The following OR10H1 variants were observed in gnomAD, a reference collection of about 807,000 sequenced individuals.
The protein encoded by OR10H1 is olfactory receptor family 10 subfamily H member 1.
A neutral mutation model predicts 13.1 loss-of-function variants in OR10H1; 12 were observed. That is an observed-to-expected ratio of 0.92 (90% CI 0.59 to 1.48). The LOEUF (loss-of-function observed/expected upper bound fraction) is 1.48, where lower values mean the gene tolerates loss of function less well. OR10H1 is among the 40% of genes most tolerant of loss of function. OR10H1 has a pLI of 0.00. For missense variants in OR10H1, 363 were observed against 413.1 expected, an observed-to-expected ratio of 0.88 and a Z score of 1.05; for synonymous variants, 168 against 175.6, an observed-to-expected ratio of 0.96 and a Z score of 0.34.
At position 15,807,333 on chromosome 19, in the gene OR10H1, C is replaced by T. The variant is rs551865251; in HGVS notation, c.705G>A (p.Arg235=). The change falls in exon 4 of 4, where the codon CGG becomes CGA. Residue 235 remains arginine (R), a synonymous_variant. Coordinates refer to ENST00000641419, the MANE Select transcript of OR10H1 (RefSeq NM_013940.4). The part of the protein sequence containing the change: ...AILKIPSAEG[R]NKAFSTCASH... ...AGGCACAGGTGGAGAAGGCCTTGTT[C>T]CGACCTTCAGCAGAAGGGATCTTCA... 49 of 1,613,902 alleles carry T rather than the reference C, an allele frequency of 3.0e-5. 1 individual carries two copies. In the South Asian group the frequency reaches 4.6e-4, roughly 15 times the overall value.
At chr19:15,814,633 C>T (rs1479473514) in intron 1 of OR10H1, among the ~76,000 whole-genome samples, 2 of 140,764 alleles carry the variant, frequency 1.4e-5, no homozygotes, top group Non-Finnish European at 3.2e-5. Context: ...CCACCTCAAT[C>T]TCTGGAGTAG....
At chr19:15,815,151 C>T (rs1051867969) in intron 1 of OR10H1, among the ~76,000 whole-genome samples, 2 of 152,076 alleles carry the variant, frequency 1.3e-5, no homozygotes, top group Non-Finnish European at 2.9e-5. Flanking sequence ...CCAGCCTGTC[C>T]AGCATGGTGA....
At chr19:15,808,371 CTA>C in intron 3 of OR10H1, among the ~76,000 whole-genome samples, 1 of 152,242 alleles carries the variant, frequency 6.6e-6, no homozygotes. Flanking sequence ...CACTATTTCT[CTA>C]TGTTGCCCCC....
chr19:15,812,510 G>GAGGAAGGAAGGAACGAAGGA lies in OR10H1; in HGVS notation c.-429_-410dup, dbSNP rs2088938322. The GAGGAAGGAAGGAACGAAGGA allele has an allele frequency of 7.4e-6, 1 of 135,002 alleles. No individual in the cohort carries two copies. Among genetic ancestry groups the GAGGAAGGAAGGAACGAAGGA allele is most frequent in the Non-Finnish European group, 1.6e-5 (1 of 60,674 alleles). 8.4% of individuals were successfully genotyped at this position (135,002 alleles called of 1,614,324 possible). A position where few individuals can be genotyped will look rare whatever the true frequency, so the allele number is the denominator to read the frequency against. On this transcript the variant is annotated 5_prime_UTR_variant, in exon 2 of 4. An upstream open reading frame in the 5' UTR loses its in-frame stop. Transcript: ENST00000641419. ...GGAAGGAAGGAGGGAGGGAGGGAAGGAGGAAGGAAGGAACGAAGGAAGGAA... is the reference window on the plus strand; with the variant it reads ...GGAAGGAAGGAGGGAGGGAGGGAAGGAGGAAGGAAGGAACGAAGGAAGGAAGGAAGGAACGAAGGAAGGAA...
intron 1 of OR10H1, among the ~76,000 whole-genome samples, chr19:15,813,213 A>T (rs2088944390): frequency 6.6e-6 from 1 of 152,092 alleles, no homozygotes; most frequent in Non-Finnish European, 1.5e-5. Context: ...GAGAGGGTAT[A>T]TGGAGATTCT....
chr19:15,814,480 TGAGAGAGAGAGAGAGAGAGAGAGA>T (rs58307648), intron 1 of OR10H1, among the ~76,000 whole-genome samples: 72 of 68,020 alleles, frequency 1.1e-3, no homozygotes, highest in African/African-American at 3.7e-3. Context: ...TGTGTGTGTG[TGAGAGAGAGAGAGAGAGAGAGAGA>T]GAGAGAGAGA....
intron 1 of OR10H1, among the ~76,000 whole-genome samples, chr19:15,813,380 G>A (rs2088945206): frequency 6.6e-6 from 1 of 152,022 alleles, no homozygotes; most frequent in African/African-American, 2.4e-5. Context: ...TGATTCACCA[G>A]CAGAACATCC....
At chr19:15,811,482 TC>T (rs1257130977) in intron 2 of OR10H1, among the ~76,000 whole-genome samples, 2 of 152,072 alleles carry the variant, frequency 1.3e-5, no homozygotes, top group Non-Finnish European at 2.9e-5. Context: ...CAGCCATTGC[TC>T]AGTCATGACA....
chr19:15,809,405 C>G (rs560744146), intron 2 of OR10H1, among the ~76,000 whole-genome samples: 30 of 152,002 alleles, frequency 2.0e-4, no homozygotes, highest in Non-Finnish European at 4.1e-4. Flanking sequence ...ATCTTCCTAC[C>G]TCAGCCTCCC....
At position 15,807,819 on chromosome 19, in the gene OR10H1, G is replaced by A. The variant is rs1266771765; in HGVS notation, c.219C>T (p.Tyr73=). The part of the protein sequence containing the change: ...LCALSVSEIL[Y]TVAIIPRMLA... ...GCATGCGCGGGATGATGGCCACGGTGTAGAGGATCTCGGAGACGGAGAGGG... is the reference window on the plus strand; with the variant it reads ...GCATGCGCGGGATGATGGCCACGGTATAGAGGATCTCGGAGACGGAGAGGG... The change falls in exon 4 of 4, where the codon TAC becomes TAT. Residue 73 remains tyrosine, a synonymous_variant. Transcript: ENST00000641419. 1.2e-6 allele frequency: 2 copies of A among 1,607,592 alleles called. No homozygotes were observed. Among genetic ancestry groups the A allele is most frequent in the Non-Finnish European group, 8.5e-7 (1 of 1,175,090 alleles).
At chr19:15,811,501 A>C (rs1400107217) in intron 2 of OR10H1, among the ~76,000 whole-genome samples, 1 of 151,968 alleles carries the variant, frequency 6.6e-6, no homozygotes, top group African/African-American at 2.4e-5. Context: ...ACAACCAAAA[A>C]ATGTCTCCAG....
At chr19:15,808,947 T>C (rs999205567) in intron 2 of OR10H1, 106 bp from the exon 3 acceptor site, 2 of 152,214 alleles carry the variant, frequency 1.3e-5, no homozygotes, top group Non-Finnish European at 2.9e-5. Context: ...TACTCCCTTC[T>C]GATAAATCAC....
rs1455374814 is a variant in OR10H1 at position 15,807,083 on chromosome 19, A to G, written c.955T>C (p.Ter319GlnextTer8). Residue 319 changes from the stop codon to glutamine (Q), a stop_lost, in exon 4 of 4, where the codon TAG becomes CAG. Transcript: ENST00000641419. ...KLYPEKNVMM[*>Q] ...TAGTTGTTCCCAGTGAATTTCTCCT[A>G]CATCATTACATTTTTTTCTGGGTAG... 3 of 1,607,906 alleles carry G rather than the reference A, an allele frequency of 1.9e-6. No homozygotes were observed. In the African/African-American group the frequency reaches 4.0e-5, roughly 22 times the overall value.
intron 1 of OR10H1, among the ~76,000 whole-genome samples, chr19:15,815,316 G>A (rs1163262840): frequency 6.6e-6 from 1 of 150,730 alleles, no homozygotes; most frequent in Non-Finnish European, 1.5e-5. Flanking sequence ...ACTCCAGCCT[G>A]GGCTACAGAG....
rs537396724 is a variant in OR10H1, at chr19:15,807,504, A to G, written c.534T>C (p.Ala178=). The G allele has an allele frequency of 1.6e-4, 259 of 1,614,230 alleles. 2 individuals carry two copies. The South Asian group carries it at 2.7e-3, about 17-fold the overall frequency. ...FCGHKEIHHF[A]CHVPPLLKLA... ...ACTTCAACAGAGGTGGCACATGGCA[A>G]GCAAAATGGTGGATCTCCTTGTGTC... The change falls in exon 4 of 4, where the codon GCT becomes GCC. Residue 178 remains alanine, a synonymous_variant. Coordinates refer to ENST00000641419, the MANE Select transcript of OR10H1 (RefSeq NM_013940.4).
chr19:15,811,097 C>T (rs941953301), intron 2 of OR10H1, among the ~76,000 whole-genome samples: 4 of 152,050 alleles, frequency 2.6e-5, no homozygotes, highest in Admixed American at 1.3e-4. Flanking sequence ...CTGCATTCTC[C>T]AAACATCGTT....
chr19:15,814,694 A>T (rs893643838), intron 1 of OR10H1, among the ~76,000 whole-genome samples: 1 of 152,026 alleles, frequency 6.6e-6, no homozygotes, highest in Non-Finnish European at 1.5e-5. Flanking sequence ...TTGTACAGAC[A>T]GGGTCTCACT....
At chr19:15,810,918 T>G (rs995171620) in intron 2 of OR10H1, among the ~76,000 whole-genome samples, 1 of 150,922 alleles carries the variant, frequency 6.6e-6, no homozygotes, top group East Asian at 1.9e-4. Flanking sequence ...GAAAAGAAAA[T>G]AAATAAATAA....
intron 2 of OR10H1, among the ~76,000 whole-genome samples, chr19:15,811,737 C>G (rs139661923): frequency 1.3e-5 from 2 of 152,166 alleles, no homozygotes; most frequent in East Asian, 1.9e-4. Context: ...CCACCCATTC[C>G]TGGGTGCTTT....
Sources: gnomAD v4.1 joint callset for allele counts (sites outside exome capture counted in the v4.1 genomes callset) on GRCh38, gnomAD v4.1.1 for gene constraint, MANE v1.5 for transcripts, NCBI Gene and HGNC (gene_info 2026-07-23, HGNC 2026-07-21) for gene names.